ABCA7: variants seen among roughly 807,000 people sequenced by gnomAD.
ABCA7 encodes the protein phospholipid-transporting ATPase ABCA7.
ABCA7 carries 261 observed loss-of-function variants against 227.6 expected under a neutral mutation model. The observed-to-expected ratio is 1.15, with a 90% CI of 1.04 to 1.27. The LOEUF is 1.27. Ranked by LOEUF, ABCA7 falls within the 50% of genes most tolerant of loss-of-function variation. The pLI is 0.00. For synonymous variants in ABCA7, 1,488 were observed against 1,279.7 expected (o/e 1.16, Z -3.47); for missense variants, 3,331 against 2,924.5 (o/e 1.14, Z -3.21).
Position 1,065,324 on chromosome 19 carries a change from A to G in ABCA7, c.6340A>G (p.Lys2114Glu), listed in dbSNP as rs779905949. Residue 2114 changes from lysine (K) to glutamate (E), a missense_variant, in exon 47 of 47, where the codon AAG (lysine) becomes GAG (glutamate). Physicochemically the swap from Lys to Glu is moderately conservative, Grantham distance 56. Transcript: ENST00000263094. ...QGKDEDTEEQKEAGVGVDPAP... is the reference protein window; with the variant it reads ...QGKDEDTEEQEEAGVGVDPAP... ...GAAGGACGAGGACACCGAAGAGCAG[A>G]AGGAGGCAGGAGTGGGAGTGGACCC... The G allele has an allele frequency of 1.2e-6, 2 of 1,613,586 alleles. No homozygotes were observed. The highest frequency in any genetic ancestry group is 1.3e-5 in the African/African-American group (1 of 75,038).
Position 1,047,581 on chromosome 19 carries a change from G to A in ABCA7, c.2196G>A (p.Gln732=), listed in dbSNP as rs757604458. The A allele has an allele frequency of 1.1e-5, 18 of 1,603,378 alleles. No individual in the cohort carries two copies. Among genetic ancestry groups the A allele is most frequent in the African/African-American group, 1.3e-5 (1 of 74,910 alleles). ...CGGCAGACGTCTTCAGCCTGGCCCA[G>A]GTCTCTGGCCTTCTGCTGCTGGACG... The part of the protein sequence containing the change: ...RPTADVFSLA[Q]VSGLLLLDAA... Residue 732 remains glutamine (Q), a synonymous_variant, in exon 16 of 47, where the codon CAG becomes CAA. Coordinates refer to ENST00000263094, the MANE Select transcript of ABCA7 (RefSeq NM_019112.4).
rs1568439565 is a variant in ABCA7 at position 1,065,349 on chromosome 19, C to T, written c.6365C>T (p.Pro2122Leu). Residue 2122 changes from proline (P) to leucine (L), a missense_variant, in exon 47 of 47, where the codon CCC (proline) becomes CTC (leucine). By Grantham distance (98) the Pro-to-Leu change is moderately conservative. Coordinates refer to ENST00000263094, the MANE Select transcript of ABCA7 (RefSeq NM_019112.4). ...AAGGAGGCAGGAGTGGGAGTGGACC[C>T]CGCGCCAGGCCTGCAGCACCCCAAA... ...EQKEAGVGVDPAPGLQHPKRV... is the reference protein window; with the variant it reads ...EQKEAGVGVDLAPGLQHPKRV... The T allele has an allele frequency of 2.5e-6, 4 of 1,613,620 alleles. No homozygotes were observed. Among genetic ancestry groups the T allele is most frequent in the Non-Finnish European group, 3.4e-6 (4 of 1,179,996 alleles).
chr19:1,053,185 G>T, intron 23 of ABCA7, 144 bp from the exon 24 acceptor site: 4 of 813,684 alleles, frequency 4.9e-6, no homozygotes, highest in East Asian at 2.7e-5. Flanking sequence ...GAGCCACTGC[G>T]CCCGGCCGCA....
intron 6 of ABCA7, 62 bp downstream of exon 6, chr19:1,042,459 A>C: frequency 1.3e-6 from 2 of 1,592,328 alleles, no homozygotes; most frequent in Non-Finnish European, 1.7e-6. Context: ...ATGTCCTGGC[A>C]CTGCCCCACC....
At chr19:1,059,313 G>A in intron 40 of ABCA7, 1 of 178,954 alleles carries the variant, frequency 5.6e-6, no homozygotes, top group Non-Finnish European at 1.1e-5. Context: ...CTCCCAGGCT[G>A]GAGTGCAGTG....
Position 1,042,340 on chromosome 19 carries a change from TCCACTGGAA to T in ABCA7, c.446_454del (p.Leu149_Pro151del). 1 of 1,588,310 alleles carries T rather than the reference TCCACTGGAA, an allele frequency of 6.3e-7. No individual in the cohort carries two copies. The highest frequency in any genetic ancestry group is 8.6e-7 in the Non-Finnish European group (1 of 1,162,508). ...CCCAGCCTCAACCAACCAAGCAGTC[TCCACTGGAA>T]CCACCCATGCTGGATGTCGCGGAGC... On this transcript the variant is annotated inframe_deletion, in exon 6 of 47. Transcript: ENST00000263094.
rs747765901 is a variant in ABCA7, at chr19:1,051,510, C to T, written c.2886C>T (p.Ile962=). Residue 962 remains isoleucine (I), a synonymous_variant, in exon 21 of 47, where the codon ATC becomes ATT. Coordinates refer to ENST00000263094, the MANE Select transcript of ABCA7 (RefSeq NM_019112.4). Reference sequence around the variant, plus strand: ...TTGTGGGCGGCTCCCAAGTTGTTATCCTGGACGAGCCTACGGCTGGCGTGG... The same window carrying T: ...TTGTGGGCGGCTCCCAAGTTGTTATTCTGGACGAGCCTACGGCTGGCGTGG... The part of the protein sequence containing the change: ...IAFVGGSQVV[I]LDEPTAGVDP... The T allele has an allele frequency of 3.1e-6, 5 of 1,612,694 alleles. No individual in the cohort carries two copies. In the East Asian group the frequency reaches 8.9e-5, roughly 29 times the overall value.
chr19:1,052,343 A>T, intron 23 of ABCA7, 57 bp downstream of exon 23: 1 of 1,165,798 alleles, frequency 8.6e-7, no homozygotes, highest in Non-Finnish European at 1.1e-6. Flanking sequence ...CTGTGCCTTA[A>T]CTTGAGGAGG....
Position 1,057,404 on chromosome 19 carries a change from C to T in ABCA7, c.4855C>T (p.Leu1619Phe), listed in dbSNP as rs768124945. 1.9e-6 allele frequency: 3 copies of T among 1,613,950 alleles called. No homozygotes were observed. The highest frequency in any genetic ancestry group is 2.2e-5 in the East Asian group (1 of 44,884). Residue 1619 changes from leucine to phenylalanine, a missense_variant, in exon 35 of 47, where the codon CTC (leucine) becomes TTC (phenylalanine). Leu to Phe is a conservative substitution (Grantham distance 22). Coordinates refer to ENST00000263094, the MANE Select transcript of ABCA7 (RefSeq NM_019112.4). Reference protein sequence around the residue: ...AYVAPANLPALLLLLLLYGWS... With the variant: ...AYVAPANLPAFLLLLLLYGWS... The stretch of plus-strand genomic sequence containing the variant: ...TGTGGCCCCTGCCAACCTGCCTGCT[C>T]TCCTGCTGTTGCTACTACTGTATGG...
rs749288970 is a variant in ABCA7, at chr19:1,047,607, C to T, written c.2222C>T (p.Ala741Val). The part of the protein sequence containing the change: ...AQVSGLLLLD[A>V]ALYGLATWYL... ...GTCTCTGGCCTTCTGCTGCTGGACG[C>T]GGCGCTCTACGGCCTCGCCACCTGG... The change falls in exon 16 of 47, where the codon GCG becomes GTG. Residue 741 changes from alanine (A) to valine (V), a missense_variant. Physicochemically the swap from Ala to Val is moderately conservative, Grantham distance 64. Transcript: ENST00000263094. 2.6e-5 allele frequency: 42 copies of T among 1,601,794 alleles called. No individual in the cohort carries two copies. The highest frequency in any genetic ancestry group is 1.7e-4 in the Middle Eastern group (1 of 6,046).
intron 12 of ABCA7, 23 bp downstream of exon 12, chr19:1,045,254 G>A (rs2144712868): frequency 6.4e-7 from 1 of 1,572,408 alleles, no homozygotes; most frequent in Non-Finnish European, 8.7e-7. Context: ...AGGGGGCGGG[G>A]GGATGAGGGA....
intron 31 of ABCA7, 33 bp downstream of exon 31, chr19:1,055,972 C>T (rs1434615103): frequency 6.4e-7 from 1 of 1,573,696 alleles, no homozygotes; most frequent in African/African-American, 1.4e-5. Flanking sequence ...GTCCCCTGCC[C>T]CAGTTCCACT....
chr19:1,047,414 C>T (rs1568279922), intron 15 of ABCA7, 36 bp downstream of exon 15: 3 of 1,538,742 alleles, frequency 1.9e-6, no homozygotes, highest in Admixed American at 1.9e-5. Flanking sequence ...GGGGACGCCC[C>T]CCGCTTCGGC....
At chr19:1,049,971 T>C (rs1261709286) in intron 18 of ABCA7, among the ~76,000 whole-genome samples, 7 of 48,514 alleles carry the variant, frequency 1.4e-4, no homozygotes, top group East Asian at 7.1e-4. Context: ...ACTCCCTCCC[T>C]GTGAGCCGCC....
rs557177777 is a variant in ABCA7, at chr19:1,043,569, G to A, written c.930+96G>A. The A allele has an allele frequency of 1.3e-5, 21 of 1,594,336 alleles. No individual in the cohort carries two copies. The Admixed American group carries it at 1.8e-4, about 14-fold the overall frequency. ...GGCCAGGGCCAGGCCGGAGGGTCAC[G>A]GAAACTATTTGAAGAAGTAGGAGTT... On this transcript the variant is annotated intron_variant, in intron 9 of 46. Coordinates refer to ENST00000263094, the MANE Select transcript of ABCA7 (RefSeq NM_019112.4).
intron 45 of ABCA7, 74 bp downstream of exon 45, chr19:1,064,327 C>A: frequency 7.0e-7 from 1 of 1,425,880 alleles, no homozygotes; most frequent in Non-Finnish European, 9.4e-7. Flanking sequence ...AGAGGCCAGA[C>A]GTAGAGCCGG....
intron 40 of ABCA7, 100 bp from the exon 41 acceptor site, chr19:1,061,680 CAA>C (rs971508026): frequency 1.4e-4 from 156 of 1,129,346 alleles, no homozygotes; most frequent in Non-Finnish European, 1.6e-4. Context: ...GCCTGGGAAA[CAA>C]GAGCAAAACT....
In ABCA7 at chr19:1,054,358, C is replaced by T; in HGVS notation, c.3726+17C>T. ...TTCGCCCAGGTGAGGAGGGCTAGCA[C>T]CAGGGAGTCGCATGGGAGTCCCTGA... On this transcript the variant is annotated intron_variant, in intron 27 of 46. Coordinates refer to ENST00000263094, the MANE Select transcript of ABCA7 (RefSeq NM_019112.4). The surrounding 1 kb of genome is among the most constrained non-coding windows in gnomAD (Gnocchi z 4.8). 1.3e-6 allele frequency: 2 copies of T among 1,582,022 alleles called. No homozygotes were observed. The highest frequency in any genetic ancestry group is 1.7e-6 in the Non-Finnish European group (2 of 1,169,018).
Position 1,063,577 on chromosome 19 carries a change from T to C in ABCA7, c.5746T>C (p.Ser1916Pro), listed in dbSNP as rs1454538780. The C allele has an allele frequency of 1.9e-6, 3 of 1,611,026 alleles. No homozygotes were observed. The highest frequency in any genetic ancestry group is 4.5e-5 in the East Asian group (2 of 44,882). The change falls in exon 43 of 47, where the codon TCA (serine) becomes CCA (proline). Residue 1916 changes from serine to proline, a missense_variant. Transcript: ENST00000263094. ...AGSGLARLGL[S>P]WYADRPAGTY... ...CTCGGGCCTGGCGCGTCTGGGACTCTCATGGTACGCAGACCGGCCTGCAGG... is the reference window on the plus strand; with the variant it reads ...CTCGGGCCTGGCGCGTCTGGGACTCCCATGGTACGCAGACCGGCCTGCAGG...
Sources: gnomAD v4.1 joint callset for allele counts (sites outside exome capture counted in the v4.1 genomes callset) on GRCh38, gnomAD v4.1.1 for gene constraint, Gnocchi (gnomAD v3.1) non-coding constraint, MANE v1.5 for transcripts, NCBI Gene and HGNC (gene_info 2026-07-23, HGNC 2026-07-21) for gene names.